SPOCK3: variants seen among roughly 807,000 people sequenced by gnomAD.
SPOCK3 encodes the protein testican-3.
SPOCK3 carries 30 observed loss-of-function variants against 56.6 expected under a neutral mutation model. The ratio of observed to expected loss-of-function variants is 0.53; its 90% CI spans 0.40 to 0.72. The LOEUF (loss-of-function observed/expected upper bound fraction) is 0.72. Ranked by LOEUF, SPOCK3 falls within the 30% of genes least tolerant of loss-of-function variation. The probability of loss-of-function intolerance (pLI) is 0.00; values close to 1 mark genes in which losing one functional copy is unlikely to be tolerated. For missense variants in SPOCK3, 527 were observed against 530.0 expected, an observed-to-expected ratio of 0.99 and a Z score of 0.06; for synonymous variants, 196 against 183.3, an observed-to-expected ratio of 1.07 and a Z score of -0.56.
chr4:167,090,584 A>G (rs1580259940), intron 2 of SPOCK3, among the ~76,000 whole-genome samples: 1 of 151,602 alleles, frequency 6.6e-6, no homozygotes, highest in Admixed American at 6.6e-5. Context: ...GCTCACCACA[A>G]CCTCCGCCTC....
chr4:166,828,481 TATC>T (rs1745705111), intron 6 of SPOCK3, among the ~76,000 whole-genome samples: 1 of 152,012 alleles, frequency 6.6e-6, no homozygotes, highest in Non-Finnish European at 1.5e-5. Context: ...TTGTGTAACT[TATC>T]ATATTATGTG....
At chr4:167,221,959 T>C (rs1198839783) in intron 2 of SPOCK3, among the ~76,000 whole-genome samples, 1 of 152,160 alleles carries the variant, frequency 6.6e-6, no homozygotes, top group Non-Finnish European at 1.5e-5. Flanking sequence ...CTTCTGAGTA[T>C]ATATCCAAAT....
chr4:167,167,817 CCT>C, intron 2 of SPOCK3, among the ~76,000 whole-genome samples: 2 of 152,090 alleles, frequency 1.3e-5, no homozygotes, highest in South Asian at 2.1e-4. Context: ...CATATCGGTA[CCT>C]TTAACATATG....
chr4:167,010,600 C>T (rs1162778141), intron 3 of SPOCK3, among the ~76,000 whole-genome samples: 1 of 148,792 alleles, frequency 6.7e-6, no homozygotes, highest in Non-Finnish European at 1.5e-5. Flanking sequence ...CATAAAGATA[C>T]ATTCATAAAA....
At chr4:166,744,301 T>A (rs1735270822) in intron 8 of SPOCK3, among the ~76,000 whole-genome samples, 1 of 152,086 alleles carries the variant, frequency 6.6e-6, no homozygotes, top group African/African-American at 2.4e-5. Flanking sequence ...TCTGCAATAT[T>A]TACTGTTCTG....
rs1326827244 is a variant in SPOCK3 at position 167,120,350 on chromosome 4, A to G, written c.190-57813T>C. The stretch of plus-strand genomic sequence containing the variant: ...TAATATATATAAATTACCTACCACC[A>G]TATCTGGTACATAGTAAGGTTGTAG... On this transcript the variant is annotated intron_variant, in intron 2 of 10. Transcript: ENST00000357545. Among the ~76,000 whole-genome samples the G allele has an allele frequency of 2.6e-5, 4 of 152,046 alleles. No homozygotes were observed. The East Asian group carries it at 7.7e-4, about 29-fold the overall frequency.
At chr4:167,077,771 G>A (rs1757327749) in intron 2 of SPOCK3, among the ~76,000 whole-genome samples, 1 of 151,748 alleles carries the variant, frequency 6.6e-6, no homozygotes, top group Non-Finnish European at 1.5e-5. Flanking sequence ...CCATTGTAAT[G>A]TATTTTGTAT....
At chr4:166,869,141 T>C (rs1433630650) in intron 6 of SPOCK3, among the ~76,000 whole-genome samples, 2 of 135,434 alleles carry the variant, frequency 1.5e-5, no homozygotes, top group Non-Finnish European at 3.4e-5. Context: ...GACAAATGCC[T>C]GGGAGGACTC....
intron 6 of SPOCK3, among the ~76,000 whole-genome samples, chr4:166,812,505 A>G (rs1743942590): frequency 1.3e-5 from 2 of 151,920 alleles, no homozygotes; most frequent in Non-Finnish European, 2.9e-5. Context: ...GGTGATAGAG[A>G]TTCACTTAAG....
chr4:166,834,475 C>T (rs1746405758), intron 6 of SPOCK3, among the ~76,000 whole-genome samples: 1 of 152,148 alleles, frequency 6.6e-6, no homozygotes, highest in African/African-American at 2.4e-5. Flanking sequence ...TTTAGAGTAC[C>T]AGGCTTTTTC....
In SPOCK3 at chr4:167,151,738, C is replaced by T. The variant is rs566353152; in HGVS notation, c.189+82247G>A. Among the ~76,000 whole-genome samples the T allele has an allele frequency of 5.9e-5, 9 of 152,168 alleles. No homozygotes were observed. In the East Asian group the frequency reaches 1.6e-3, roughly 26 times the overall value. ...GCGTGAGCCACCACGCCCAGCCTCA[C>T]TTTCCACGTTCTTAATTTCAATGTC... On this transcript the variant is annotated intron_variant, in intron 2 of 10. Transcript: ENST00000357545.
At chr4:166,888,044 T>C (rs1347765990) in intron 6 of SPOCK3, among the ~76,000 whole-genome samples, 1 of 152,034 alleles carries the variant, frequency 6.6e-6, no homozygotes, top group Non-Finnish European at 1.5e-5. Context: ...ACATTTAGTT[T>C]TATTTTGTTT....
chr4:166,949,762 G>C (rs1294672771), intron 4 of SPOCK3, among the ~76,000 whole-genome samples: 1 of 152,130 alleles, frequency 6.6e-6, no homozygotes, highest in Non-Finnish European at 1.5e-5. Context: ...CAAGCCAGAA[G>C]AGAGTGGGGG....
chr4:167,205,503 A>AT (rs1284856582), intron 2 of SPOCK3, among the ~76,000 whole-genome samples: 1 of 57,190 alleles, frequency 1.7e-5, no homozygotes, highest in Non-Finnish European at 2.9e-5. Flanking sequence ...TATAATATAT[A>AT]TTATATAATA....
intron 2 of SPOCK3, among the ~76,000 whole-genome samples, chr4:167,229,332 T>C (rs1182518185): frequency 2.0e-5 from 3 of 152,168 alleles, no homozygotes; most frequent in African/African-American, 7.2e-5. Context: ...TCAAGAAATA[T>C]AATCAAGGCA....
At chr4:167,223,230 A>G (rs1237317744) in intron 2 of SPOCK3, among the ~76,000 whole-genome samples, 1 of 137,570 alleles carries the variant, frequency 7.3e-6, no homozygotes, top group Non-Finnish European at 1.5e-5. Flanking sequence ...TATAATATAT[A>G]ATATATTTTA....
intron 4 of SPOCK3, among the ~76,000 whole-genome samples, chr4:166,960,953 GTAGAT>G (rs1176670075): frequency 1.3e-5 from 2 of 152,142 alleles, no homozygotes; most frequent in African/African-American, 4.8e-5. Flanking sequence ...AACAAAGCTT[GTAGAT>G]TAGATTAGAG....
rs1763322269 is a variant in SPOCK3 at position 167,138,950 on chromosome 4, T to C, written c.190-76413A>G. On this transcript the variant is annotated intron_variant, in intron 2 of 10. Transcript: ENST00000357545. ...CAATTAATATGATTTATCATTAAAG[T>C]AATTCATTAAAATTTTAACAACAAT... Among the ~76,000 whole-genome samples, 2 of 152,004 alleles carry C rather than the reference T, an allele frequency of 1.3e-5. 1 individual carries two copies. The highest frequency in any genetic ancestry group is 4.1e-4 in the South Asian group (2 of 4,832).
At chr4:166,904,785 C>A (rs1254552246) in intron 5 of SPOCK3, among the ~76,000 whole-genome samples, 1 of 151,928 alleles carries the variant, frequency 6.6e-6, no homozygotes, top group African/African-American at 2.4e-5. Flanking sequence ...TTTCTATAAC[C>A]TTTTTGAAGA....
Sources: gnomAD v4.1 joint callset for allele counts (sites outside exome capture counted in the v4.1 genomes callset) on GRCh38, gnomAD v4.1.1 for gene constraint, MANE v1.5 for transcripts, NCBI Gene and HGNC (gene_info 2026-07-23, HGNC 2026-07-21) for gene names.